The following TUBA1C variants were observed in gnomAD, a reference collection of about 807,000 sequenced individuals.
The protein encoded by TUBA1C is tubulin alpha 1c.
In TUBA1C, 16 loss-of-function variants were observed where a neutral mutation model predicts 34.9. The observed-to-expected ratio is 0.46, with a 90% CI of 0.31 to 0.70. The LOEUF is 0.70. Among genes scored for constraint, TUBA1C ranks in the 30% least tolerant of loss-of-function variants. The pLI is 0.05. For missense variants in TUBA1C, 329 were observed against 587.3 expected (o/e 0.56, Z 4.55); for synonymous variants, 177 against 215.9 (o/e 0.82, Z 1.58).
intron 1 of TUBA1C, among the ~76,000 whole-genome samples, chr12:49,256,119 G>T (rs975523643): frequency 2.0e-5 from 3 of 152,142 alleles, no homozygotes; most frequent in Non-Finnish European, 4.4e-5. Flanking sequence ...ACAAACAAAC[G>T]AACAACACTA....
intron 1 of TUBA1C, among the ~76,000 whole-genome samples, chr12:49,237,071 A>T (rs1458155758): frequency 1.3e-5 from 2 of 152,180 alleles, no homozygotes; most frequent in Non-Finnish European, 2.9e-5. Context: ...TTAACTTTCT[A>T]TATGGGTGCT....
In TUBA1C at chr12:49,269,659, G is replaced by T. The variant is rs749099041; in HGVS notation, c.198G>T (p.Val66=). The change falls in exon 2 of 4, where the codon GTG becomes GTT. Residue 66 remains valine (V), a synonymous_variant. Transcript: ENST00000301072. ...TGAGKHVPRA[V]FVDLEPTVID... ...CTGGCAAGCATGTGCCCCGGGCAGT[G>T]TTTGTAGACTTGGAACCCACAGTCA... is the stretch of plus-strand genomic sequence containing the variant. 5 of 1,614,100 alleles carry T rather than the reference G, an allele frequency of 3.1e-6. No homozygotes were observed. In the Admixed American group the frequency reaches 8.3e-5, roughly 27 times the overall value.
At chr12:49,235,426 A>C (rs1206173855) in intron 1 of TUBA1C, among the ~76,000 whole-genome samples, 2 of 151,906 alleles carry the variant, frequency 1.3e-5, no homozygotes, top group Non-Finnish European at 2.9e-5. Context: ...TGTCCAGGAG[A>C]GACTCGCTGG....
chr12:49,265,166 C>T lies in TUBA1C; in HGVS notation c.-16C>T. On this transcript the variant is annotated 5_prime_UTR_variant, in exon 1 of 4. Transcript: ENST00000301072. The stretch of plus-strand genomic sequence containing the variant: ...TTCGCCTCCTTCACCGCCGCAGACC[C>T]CTTCAAGTTCTAGTCATGGTGAGTG... 1 of 1,603,646 alleles carries T rather than the reference C, an allele frequency of 6.2e-7. No individual in the cohort carries two copies. The highest frequency in any genetic ancestry group is 1.1e-5 in the South Asian group (1 of 89,926).
intron 1 of TUBA1C, among the ~76,000 whole-genome samples, chr12:49,243,179 C>T (rs1779233011): frequency 6.6e-6 from 1 of 152,094 alleles, no homozygotes; most frequent in South Asian, 2.1e-4. Context: ...GTTGCGGTGG[C>T]TCATGCCTGT....
At chr12:49,241,408 G>A (rs1183836153) in intron 1 of TUBA1C, among the ~76,000 whole-genome samples, 7 of 152,076 alleles carry the variant, frequency 4.6e-5, no homozygotes, top group South Asian at 2.1e-4. Context: ...GAACTGGCAG[G>A]ACCACATACA....
intron 1 of TUBA1C, among the ~76,000 whole-genome samples, chr12:49,253,208 G>A (rs1942748786): frequency 1.3e-5 from 2 of 152,138 alleles, no homozygotes; most frequent in South Asian, 4.1e-4. Flanking sequence ...ACTTTAAATG[G>A]AACTCTCGGC....
intron 1 of TUBA1C, among the ~76,000 whole-genome samples, chr12:49,229,676 T>G (rs1592270373): frequency 7.2e-6 from 1 of 138,632 alleles, no homozygotes; most frequent in African/African-American, 3.2e-5. Context: ...TGCATAGAGG[T>G]GTGTGTGTGT....
chr12:49,230,548 T>C (rs1237649971), intron 1 of TUBA1C, among the ~76,000 whole-genome samples: 2 of 152,140 alleles, frequency 1.3e-5, no homozygotes, highest in Non-Finnish European at 2.9e-5. Flanking sequence ...CAGGGTGCCA[T>C]GGGGATTAAA....
rs1943001213 is a variant in TUBA1C at position 49,272,262 on chromosome 12, T to C, written c.385T>C (p.Cys129Arg). 6.2e-7 allele frequency: 1 copy of C among 1,610,222 alleles called. No individual in the cohort carries two copies. Among genetic ancestry groups the C allele is most frequent in the Non-Finnish European group, 8.5e-7 (1 of 1,178,246 alleles). Residue 129 changes from cysteine to arginine, a missense_variant, in exon 4 of 4, where the codon TGC becomes CGC. Around this residue, in one of 4 missense-constraint regions of TUBA1C, gnomAD observed 152 missense variants for 240.3 expected, o/e 0.63. Transcript: ENST00000301072. ...CTTTTTTATTTTGCAGGCTGACCAG[T>C]GCACCGGTCTTCAGGGCTTCTTGGT... ...LDRIRKLADQCTGLQGFLVFH... is the reference protein window; with the variant it reads ...LDRIRKLADQRTGLQGFLVFH...
chr12:49,234,518 CGCCAGG>C (rs1434370266), intron 1 of TUBA1C, among the ~76,000 whole-genome samples: 1 of 152,188 alleles, frequency 6.6e-6, no homozygotes, highest in Non-Finnish European at 1.5e-5. Context: ...TGACGTGCAG[CGCCAGG>C]GCCTGGGCCT....
chr12:49,245,486 G>A (rs575729702), intron 1 of TUBA1C, among the ~76,000 whole-genome samples: 1 of 152,292 alleles, frequency 6.6e-6, no homozygotes, highest in African/African-American at 2.4e-5. Context: ...GCACATGCCT[G>A]TAGTCACAGC....
At chr12:49,235,966 G>A (rs1942551259) in intron 1 of TUBA1C, among the ~76,000 whole-genome samples, 1 of 152,164 alleles carries the variant, frequency 6.6e-6, no homozygotes, top group Non-Finnish European at 1.5e-5. Context: ...GCACACAGCG[G>A]GTTTCAGGGA....
At chr12:49,270,320 A>T in intron 3 of TUBA1C, 1 of 406,588 alleles carries the variant, frequency 2.5e-6, no homozygotes, top group East Asian at 5.9e-5. Flanking sequence ...GTCAATACAG[A>T]AAGTTCAGAG....
chr12:49,244,149 CAAA>C (rs35040535), intron 1 of TUBA1C, among the ~76,000 whole-genome samples: 6 of 97,618 alleles, frequency 6.1e-5, no homozygotes, highest in African/African-American at 7.0e-5. Context: ...GACTCTGTCT[CAAA>C]AAAAAAAAAA....
At chr12:49,245,422 G>A (rs1044123428) in intron 1 of TUBA1C, among the ~76,000 whole-genome samples, 6 of 152,104 alleles carry the variant, frequency 3.9e-5, no homozygotes, top group Non-Finnish European at 4.4e-5. Flanking sequence ...GCAACATAGT[G>A]AGACTCCCAT....
rs1943027765 is a variant in TUBA1C at position 49,273,832 on chromosome 12, TGGTGGCTCATGCACTTCG to T, written c.*608_*625del. Reference sequence around the variant, plus strand: ...TTAAAATGCAGGTTTGGGGTCAACCTGGTGGCTCATGCACTTCGGGAGGCCAAGTTGGGTGGATCACGA... The same window carrying T: ...TTAAAATGCAGGTTTGGGGTCAACCTGGAGGCCAAGTTGGGTGGATCACGA... On this transcript the variant is annotated 3_prime_UTR_variant, in exon 4 of 4. Coordinates refer to ENST00000301072, the MANE Select transcript of TUBA1C (RefSeq NM_032704.5). 6.4e-6 allele frequency: 1 copy of T among 157,290 alleles called. No individual in the cohort carries two copies. Among genetic ancestry groups the T allele is most frequent in the South Asian group, 1.9e-4 (1 of 5,302 alleles). The allele number at this position is 157,290 out of a possible 1,614,324, so 9.7% of individuals were successfully genotyped here. A position where few individuals can be genotyped will look rare whatever the true frequency, so the allele number is the denominator to read the frequency against.
chr12:49,229,416 G>A (rs1312302988), intron 1 of TUBA1C, among the ~76,000 whole-genome samples: 4 of 152,198 alleles, frequency 2.6e-5, no homozygotes, highest in Non-Finnish European at 5.9e-5. Flanking sequence ...CAGGTGATCC[G>A]CCCGCCTTGG....
chr12:49,245,404 C>T lies in TUBA1C; in HGVS notation c.213+17238C>T, dbSNP rs192755823. On this transcript the variant is annotated intron_variant, in intron 1 of 3. Transcript: ENST00000541364. ...TCACTTGAGGCCAGGAGTCTGAGAC[C>T]AGCCTGGGCAACATAGTGAGACTCC... is the stretch of plus-strand genomic sequence containing the variant. Among the ~76,000 whole-genome samples, 51 of 152,144 alleles carry T rather than the reference C, an allele frequency of 3.4e-4. 1 individual carries two copies. In the East Asian group the frequency reaches 8.7e-3, roughly 26 times the overall value.
Sources: gnomAD v4.1 joint callset for allele counts (sites outside exome capture counted in the v4.1 genomes callset) on GRCh38, gnomAD v4.1.1 for gene constraint, gnomAD v4.1.1 regional missense constraint, MANE v1.5 for transcripts, NCBI Gene and HGNC (gene_info 2026-07-23, HGNC 2026-07-21) for gene names.